LRP1B: variants seen among roughly 807,000 people sequenced by gnomAD.
LRP1B encodes low-density lipoprotein receptor-related protein 1B.
In LRP1B, 217 loss-of-function variants were observed where a neutral mutation model predicts 556.6. That is an observed-to-expected ratio of 0.39 (90% confidence interval 0.35 to 0.44). The LOEUF is 0.44. Among genes scored for constraint, LRP1B ranks in the 20% least tolerant of loss-of-function variants. The probability of loss-of-function intolerance (pLI) is 1.00; values close to 1 mark genes in which losing one functional copy is unlikely to be tolerated. For synonymous variants in LRP1B, 2,047 were observed against 1,865.8 expected, an observed-to-expected ratio of 1.10 and a Z score of -2.50; for missense variants, 5,053 against 5,620.8, an observed-to-expected ratio of 0.90 and a Z score of 3.23.
chr2:140,496,866 T>C (rs1309973458), intron 55 of LRP1B, among the ~76,000 whole-genome samples: 1 of 151,662 alleles, frequency 6.6e-6, no homozygotes, highest in Non-Finnish European at 1.5e-5. Flanking sequence ...GAGCACTCCA[T>C]AGTAAATATT....
intron 35 of LRP1B, among the ~76,000 whole-genome samples, chr2:140,732,715 G>T (rs886653207): frequency 6.6e-6 from 1 of 151,880 alleles, no homozygotes; most frequent in Non-Finnish European, 1.5e-5. Flanking sequence ...AAAAATTAAA[G>T]ATCTCCGTAT....
chr2:141,383,288 G>A (rs59480668), intron 3 of LRP1B, among the ~76,000 whole-genome samples: 6,193 of 152,038 alleles, frequency 0.041, 420 homozygotes, highest in African/African-American at 0.14. Flanking sequence ...AACTATAATG[G>A]AAAACAGTAT....
rs149706191 is a variant in LRP1B, at chr2:141,557,440, G to A, written c.206-76907C>T. Among the ~76,000 whole-genome samples, 414 of 152,040 alleles carry A rather than the reference G, an allele frequency of 2.7e-3. 2 individuals carry two copies. Among genetic ancestry groups the A allele is most frequent in the African/African-American group, 9.4e-3 (391 of 41,528 alleles). On this transcript the variant is annotated intron_variant, in intron 2 of 90. Coordinates refer to ENST00000389484, the MANE Select transcript of LRP1B (RefSeq NM_018557.3). ...TGCAAGAATTTTTTCTTAAGTGCATGTGAATAACCGCAGAGAGAAACTACA... is the reference window on the plus strand; with the variant it reads ...TGCAAGAATTTTTTCTTAAGTGCATATGAATAACCGCAGAGAGAAACTACA...
intron 3 of LRP1B, among the ~76,000 whole-genome samples, chr2:141,367,820 A>C (rs1396266662): frequency 6.6e-6 from 1 of 152,060 alleles, no homozygotes; most frequent in Non-Finnish European, 1.5e-5. Context: ...ATGCCTATTT[A>C]TAAGGTTCAT....
intron 10 of LRP1B, among the ~76,000 whole-genome samples, chr2:141,050,381 G>C (rs990503354): frequency 6.6e-6 from 1 of 151,842 alleles, no homozygotes; most frequent in African/African-American, 2.4e-5. Context: ...AGAGTGTGCA[G>C]GTTTGTTACA....
chr2:141,281,815 T>C (rs1414902212), intron 3 of LRP1B, among the ~76,000 whole-genome samples: 1 of 152,048 alleles, frequency 6.6e-6, no homozygotes, highest in African/African-American at 2.4e-5. Context: ...TGACAGACTG[T>C]TTCACATCCA....
chr2:141,644,645 C>T (rs1343974418), intron 2 of LRP1B, among the ~76,000 whole-genome samples: 2 of 151,560 alleles, frequency 1.3e-5, no homozygotes, highest in Admixed American at 6.6e-5. Context: ...TCCACATGGG[C>T]CATTTTGCTT....
At chr2:140,736,218 G>A (rs1354604172) in intron 35 of LRP1B, among the ~76,000 whole-genome samples, 2 of 152,106 alleles carry the variant, frequency 1.3e-5, no homozygotes, top group Non-Finnish European at 2.9e-5. Flanking sequence ...TATGTTCCAT[G>A]GGAAGCTTCA....
intron 1 of LRP1B, among the ~76,000 whole-genome samples, chr2:142,104,670 C>T (rs1471561712): frequency 6.6e-6 from 1 of 152,112 alleles, no homozygotes; most frequent in Non-Finnish European, 1.5e-5. Context: ...GCAGTGTAGT[C>T]AAAACCTGTC....
intron 2 of LRP1B, among the ~76,000 whole-genome samples, chr2:141,653,054 A>T (rs924588141): frequency 6.6e-6 from 1 of 152,162 alleles, no homozygotes; most frequent in Non-Finnish European, 1.5e-5. Flanking sequence ...TTTAATCAGA[A>T]GTGTACCATG....
At chr2:140,241,197 TTTA>T (rs1307281035) in intron 87 of LRP1B, among the ~76,000 whole-genome samples, 12 of 150,696 alleles carry the variant, frequency 8.0e-5, no homozygotes, top group African/African-American at 2.9e-4. Context: ...GCATCTGTAA[TTTA>T]TTAGCAGCTG....
In LRP1B at chr2:140,850,335, A is replaced by G. The variant is rs1692420186; in HGVS notation, c.4712-6T>C. 1 of 1,528,346 alleles carries G rather than the reference A, an allele frequency of 6.5e-7. No individual in the cohort carries two copies. Among genetic ancestry groups the G allele is most frequent in the East Asian group, 2.3e-5 (1 of 43,480 alleles). 94.7% of individuals were successfully genotyped at this position (1,528,346 alleles called of 1,614,324 possible). Reference sequence around the variant, plus strand: ...AAGAAGAAATTTTTTCATTTCTAAAAAAGAAATAGAAATTCTTTTCTCTTA... The same window carrying G: ...AAGAAGAAATTTTTTCATTTCTAAAGAAGAAATAGAAATTCTTTTCTCTTA... On this transcript the variant is annotated splice_region_variant and splice_polypyrimidine_tract_variant and intron_variant, in intron 28 of 90. Transcript: ENST00000389484.
chr2:141,998,975 A>G (rs1260039472), intron 1 of LRP1B, among the ~76,000 whole-genome samples: 1 of 152,204 alleles, frequency 6.6e-6, no homozygotes, highest in Admixed American at 6.5e-5. Flanking sequence ...TAAATTTTCT[A>G]CAGAATGTAA....
intron 41 of LRP1B, among the ~76,000 whole-genome samples, chr2:140,642,986 T>C (rs1684357010): frequency 6.6e-6 from 1 of 152,194 alleles, no homozygotes; most frequent in Non-Finnish European, 1.5e-5. Flanking sequence ...CTATATTCCA[T>C]CTTGTGATGA....
At chr2:140,429,617 T>G (rs11899167) in intron 66 of LRP1B, among the ~76,000 whole-genome samples, 2 of 151,974 alleles carry the variant, frequency 1.3e-5, no homozygotes, top group Non-Finnish European at 2.9e-5. Context: ...TGATCGTGTT[T>G]GACTAATCTC....
intron 31 of LRP1B, among the ~76,000 whole-genome samples, chr2:140,837,111 A>G (rs1268051190): frequency 6.6e-6 from 1 of 152,186 alleles, no homozygotes; most frequent in Non-Finnish European, 1.5e-5. Context: ...TGTACATACT[A>G]CCGCTATTAC....
chr2:141,805,636 C>T (rs1043934077), intron 2 of LRP1B: 7 of 152,138 alleles, frequency 4.6e-5, no homozygotes, highest in African/African-American at 1.7e-4. Context: ...GCTACTACAA[C>T]AAAGATTTGG....
chr2:142,121,888 T>C (rs981533221), intron 1 of LRP1B, among the ~76,000 whole-genome samples: 3 of 86,018 alleles, frequency 3.5e-5, no homozygotes, highest in Non-Finnish European at 4.9e-5. Flanking sequence ...AAGGATCATG[T>C]GATTCAGCAA....
chr2:141,001,556 G>A (rs1697424882), intron 15 of LRP1B, among the ~76,000 whole-genome samples: 2 of 152,096 alleles, frequency 1.3e-5, no homozygotes, highest in Admixed American at 6.6e-5. Flanking sequence ...ACCTATGAGT[G>A]AGAACACGTG....
Sources: allele counts gnomAD v4.1 joint callset (sites outside exome capture counted in the v4.1 genomes callset), GRCh38; gene constraint gnomAD v4.1.1; transcripts MANE v1.5; gene names NCBI Gene and HGNC (gene_info 2026-07-23, HGNC 2026-07-21).